ZC3H8: variants seen among roughly 807,000 people sequenced by gnomAD.
ZC3H8 encodes the protein zinc finger CCCH-type containing 8.
ZC3H8 carries 27 observed loss-of-function variants against 42.5 expected under a neutral mutation model. That is an observed-to-expected ratio of 0.64 (90% CI 0.47 to 0.88). The LOEUF is 0.88. Ranked by LOEUF, ZC3H8 falls within the 40% of genes least tolerant of loss-of-function variation. The probability of loss-of-function intolerance (pLI) is 0.00; values close to 1 mark genes in which losing one functional copy is unlikely to be tolerated. For synonymous variants in ZC3H8, 101 were observed against 110.1 expected, an observed-to-expected ratio of 0.92 and a Z score of 0.52; for missense variants, 277 against 336.1, an observed-to-expected ratio of 0.82 and a Z score of 1.37.
At chr2:112,236,809 G>A (rs1685356024) in intron 3 of ZC3H8, 114 bp from the exon 4 acceptor site, 1 of 974,714 alleles carries the variant, frequency 1.0e-6, no homozygotes, top group Non-Finnish European at 1.5e-6. Context: ...CTCTTTGGGA[G>A]GCTGAGGCAG....
Position 112,226,335 on chromosome 2 carries a change from T to C in ZC3H8, c.*15+4568A>G, listed in dbSNP as rs1684832747. ...TGGGCGCGGTAGCTCACGCCTGTAA[T>C]CCCAGCACTTTGGGAGGCTGAGGCG... On this transcript the variant is annotated intron_variant, in intron 8 of 8. Transcript: ENST00000409573. Among the ~76,000 whole-genome samples the C allele has an allele frequency of 2.0e-5, 3 of 152,012 alleles. No homozygotes were observed. In the South Asian group the frequency reaches 6.2e-4, roughly 32 times the overall value.
At chr2:112,225,250 A>G (rs1050179638) in intron 8 of ZC3H8, among the ~76,000 whole-genome samples, 2 of 152,202 alleles carry the variant, frequency 1.3e-5, no homozygotes, top group East Asian at 1.9e-4. Flanking sequence ...TTAAAAAAAA[A>G]ACTAACAAAA....
chr2:112,225,680 G>A (rs1337460450), intron 8 of ZC3H8, among the ~76,000 whole-genome samples: 1 of 152,116 alleles, frequency 6.6e-6, no homozygotes, highest in Non-Finnish European at 1.5e-5. Flanking sequence ...AGCTGGGCAT[G>A]GTGGTAAGTG....
At chr2:112,217,748 G>C (rs1391118873) in intron 8 of ZC3H8, among the ~76,000 whole-genome samples, 4 of 152,116 alleles carry the variant, frequency 2.6e-5, no homozygotes, top group Non-Finnish European at 5.9e-5. Context: ...TTGCTTAAAA[G>C]CTTGAATTTT....
intron 1 of ZC3H8, among the ~76,000 whole-genome samples, chr2:112,252,210 CAT>C (rs1685973314): frequency 6.6e-6 from 1 of 152,188 alleles, no homozygotes; most frequent in Non-Finnish European, 1.5e-5. Flanking sequence ...ATCTACTAGA[CAT>C]ATGTAATCTT....
intron 2 of ZC3H8, 167 bp downstream of exon 2, chr2:112,250,024 T>C (rs946361331): frequency 6.8e-5 from 30 of 443,310 alleles, no homozygotes; most frequent in African/African-American, 5.9e-4. Flanking sequence ...CAGTTTTCTT[T>C]GATATAAGTA....
At chr2:112,220,806 A>T (rs1016883454) in intron 8 of ZC3H8, among the ~76,000 whole-genome samples, 3 of 152,196 alleles carry the variant, frequency 2.0e-5, no homozygotes, top group Admixed American at 6.5e-5. Flanking sequence ...GAGCAAAAAG[A>T]GCGAAACTCC....
At position 112,212,039 on chromosome 2, in the gene ZC3H8, T is replaced by C. The variant is rs922230875; in HGVS notation, c.*4445A>G. 11 of 152,336 alleles carry C rather than the reference T, an allele frequency of 7.2e-5. No homozygotes were observed. Among genetic ancestry groups the C allele is most frequent in the African/African-American group, 2.6e-4 (11 of 41,574 alleles). 9.4% of individuals were successfully genotyped at this position (152,336 alleles called of 1,614,324 possible). On this transcript the variant is annotated 3_prime_UTR_variant, in exon 9 of 9. Coordinates refer to ENST00000409573, the MANE Select transcript of ZC3H8 (RefSeq NM_032494.3). ...CTATTATAACAAAAATACCACAGACTAGGTGGCTTAAACAACACTTACTCC... is the reference window on the plus strand; with the variant it reads ...CTATTATAACAAAAATACCACAGACCAGGTGGCTTAAACAACACTTACTCC...
At chr2:112,218,307 T>C (rs1684418737) in intron 8 of ZC3H8, among the ~76,000 whole-genome samples, 2 of 152,258 alleles carry the variant, frequency 1.3e-5, no homozygotes, top group Non-Finnish European at 2.9e-5. Context: ...AAGGGAACTC[T>C]ACTCAAGGTT....
chr2:112,240,774 TTAGC>T (rs1685542681), intron 2 of ZC3H8, among the ~76,000 whole-genome samples: 1 of 152,358 alleles, frequency 6.6e-6, no homozygotes, highest in African/African-American at 2.4e-5. Flanking sequence ...TTTTCTTCAC[TTAGC>T]TAGCTATAAA....
At chr2:112,221,269 C>A (rs1214695436) in intron 8 of ZC3H8, among the ~76,000 whole-genome samples, 2 of 152,096 alleles carry the variant, frequency 1.3e-5, no homozygotes, top group Admixed American at 6.5e-5. Flanking sequence ...TGGTTTAGCA[C>A]CATCCCCCTT....
At chr2:112,241,041 T>C (rs191712607) in intron 2 of ZC3H8, among the ~76,000 whole-genome samples, 10 of 150,180 alleles carry the variant, frequency 6.7e-5, no homozygotes, top group African/African-American at 2.5e-4. Context: ...ATGGGAGGCA[T>C]GAAGTGCATT....
rs1346385555 is a variant in ZC3H8 at position 112,214,948 on chromosome 2, C to G, written c.*1536G>C. 6.6e-6 allele frequency: 1 copy of G among 152,150 alleles called. No homozygotes were observed. The highest frequency in any genetic ancestry group is 2.4e-5 in the African/African-American group (1 of 41,426). 9.4% of individuals were successfully genotyped at this position (152,150 alleles called of 1,614,324 possible). On this transcript the variant is annotated 3_prime_UTR_variant, in exon 9 of 9. Coordinates refer to ENST00000409573, the MANE Select transcript of ZC3H8 (RefSeq NM_032494.3). Reference sequence around the variant, plus strand: ...AAAAATAAGAGGTTTTTAACCTACTCTATTTGACTTCTGAGTCCCTCAAAT... The same window carrying G: ...AAAAATAAGAGGTTTTTAACCTACTGTATTTGACTTCTGAGTCCCTCAAAT...
rs1684187835 is a variant in ZC3H8, at chr2:112,212,965, C to CCT, written c.*3518_*3519insAG. The CCT allele has an allele frequency of 1.2e-5, 1 of 84,892 alleles. No individual in the cohort carries two copies. Among genetic ancestry groups the CCT allele is most frequent in the Non-Finnish European group, 2.3e-5 (1 of 43,270 alleles). The allele number at this position is 84,892 out of a possible 1,614,324, so 5.3% of individuals were successfully genotyped here. A position where few individuals can be genotyped will look rare whatever the true frequency, so the allele number is the denominator to read the frequency against. On this transcript the variant is annotated 3_prime_UTR_variant, in exon 9 of 9. Coordinates refer to ENST00000409573, the MANE Select transcript of ZC3H8 (RefSeq NM_032494.3). Reference sequence around the variant, plus strand: ...CAGCAAGCACAACTCAGAAGAAATGCTTTTTTTTTTTTTTTTTTTTTTTAT... The same window carrying CCT: ...CAGCAAGCACAACTCAGAAGAAATGCCTTTTTTTTTTTTTTTTTTTTTTTTAT...
chr2:112,254,952 G>A lies in ZC3H8; in HGVS notation c.30C>T (p.Pro10=), dbSNP rs1473181440. 1 of 1,612,950 alleles carries A rather than the reference G, an allele frequency of 6.2e-7. No individual in the cohort carries two copies. The highest frequency in any genetic ancestry group is 8.5e-7 in the Non-Finnish European group (1 of 1,179,564). ...CCGTTTTGCCGAGGGCCGGGTTGGGGGGTTTTGAGAAAAGATTCTCAAAAT... is the reference window on the plus strand; with the variant it reads ...CCGTTTTGCCGAGGGCCGGGTTGGGAGGTTTTGAGAAAAGATTCTCAAAAT... MDFENLFSK[P]PNPALGKTAT... Residue 10 remains proline, a synonymous_variant, in exon 1 of 9, where the codon CCC becomes CCT. Coordinates refer to ENST00000409573, the MANE Select transcript of ZC3H8 (RefSeq NM_032494.3).
rs200972008 is a variant in ZC3H8 at position 112,239,579 on chromosome 2, CTTTTTTT to C, written c.157-1058_157-1052del. The stretch of plus-strand genomic sequence containing the variant: ...TTAGGTGGCCCAATTTAACAGTTTA[CTTTTTTT>C]TTTTTTTTTTTTTTTTTTGATGGAT... On this transcript the variant is annotated intron_variant, in intron 2 of 8. Transcript: ENST00000409573. Among the ~76,000 whole-genome samples, 310 of 86,486 alleles carry C rather than the reference CTTTTTTT, an allele frequency of 3.6e-3. 4 individuals are homozygous for C. Among genetic ancestry groups the C allele is most frequent in the East Asian group, 0.035 (143 of 4,064 alleles). 56.7% of individuals were successfully genotyped at this position (86,486 alleles called of 152,430 possible).
At chr2:112,251,925 A>G (rs1181504857) in intron 1 of ZC3H8, among the ~76,000 whole-genome samples, 1 of 152,204 alleles carries the variant, frequency 6.6e-6, no homozygotes, top group African/African-American at 2.4e-5. Context: ...TTAGCTTCAG[A>G]GATAGTGGGC....
intron 2 of ZC3H8, 106 bp from the exon 3 acceptor site, chr2:112,238,634 G>A: frequency 1.2e-6 from 1 of 843,082 alleles, no homozygotes. Context: ...TGTTGAAGGT[G>A]GGTAATAGGT....
Position 112,241,950 on chromosome 2 carries a change from T to C in ZC3H8, c.157-3422A>G, listed in dbSNP as rs148776966. Among the ~76,000 whole-genome samples, 1,154 of 152,310 alleles carry C rather than the reference T, an allele frequency of 7.6e-3. 6 individuals are homozygous for C. The highest frequency in any genetic ancestry group is 0.011 in the Non-Finnish European group (780 of 68,018). On this transcript the variant is annotated intron_variant, in intron 2 of 8. Transcript: ENST00000409573. Reference sequence around the variant, plus strand: ...TCACCAGACTGCTAAAGGGGGTGCATGGCACAAAGTGGACTGAGAATTGTT... The same window carrying C: ...TCACCAGACTGCTAAAGGGGGTGCACGGCACAAAGTGGACTGAGAATTGTT...
Sources: allele counts gnomAD v4.1 joint callset (sites outside exome capture counted in the v4.1 genomes callset), GRCh38; gene constraint gnomAD v4.1.1; transcripts MANE v1.5; gene names NCBI Gene and HGNC (gene_info 2026-07-23, HGNC 2026-07-21).